Variants in CWC25 observed in about 807,000 individuals in gnomAD.
CWC25 encodes the protein CWC25 spliceosome associated protein.
CWC25 carries 31 observed loss-of-function variants against 54.6 expected under a neutral mutation model. That is an observed-to-expected ratio of 0.57 (90% CI 0.43 to 0.77). The LOEUF (loss-of-function observed/expected upper bound fraction) is 0.77. Among genes scored for constraint, CWC25 ranks in the 30% least tolerant of loss-of-function variants. CWC25 has a pLI of 0.00. For synonymous variants in CWC25, 151 were observed against 187.0 expected, an observed-to-expected ratio of 0.81 and a Z score of 1.57; for missense variants, 453 against 529.3, an observed-to-expected ratio of 0.86 and a Z score of 1.41.
At chr17:38,808,306 CA>C (rs1911339279) in intron 6 of CWC25, among the ~76,000 whole-genome samples, 1 of 137,562 alleles carries the variant, frequency 7.3e-6, no homozygotes. Flanking sequence ...CACTTGAATG[CA>C]GGAGGCAGAG....
intron 2 of CWC25, 141 bp from the exon 3 acceptor site, chr17:38,815,238 C>T (rs776920772): frequency 3.8e-5 from 28 of 731,190 alleles, no homozygotes; most frequent in South Asian, 3.8e-4. Flanking sequence ...GCAATAAACA[C>T]GGCACCCCAT....
intron 2 of CWC25, among the ~76,000 whole-genome samples, chr17:38,819,674 A>AT (rs1333556905): frequency 0.016 from 2,081 of 129,074 alleles, 46 homozygotes; most frequent in African/African-American, 0.056. Context: ...CCCAGCCTCT[A>AT]TTTTTTTTTT....
chr17:38,821,332 G>A (rs1304338724), intron 1 of CWC25, among the ~76,000 whole-genome samples: 4 of 152,110 alleles, frequency 2.6e-5, no homozygotes, highest in South Asian at 2.1e-4. Flanking sequence ...AGGCGGAGGC[G>A]GGAAGATCAC....
chr17:38,807,009 A>G (rs761916805), intron 6 of CWC25, 33 bp from the exon 7 acceptor site: 2 of 1,567,602 alleles, frequency 1.3e-6, no homozygotes, highest in Non-Finnish European at 1.7e-6. Context: ...AGTTATTCAC[A>G]TGGAAAATCC....
chr17:38,824,726 G>T (rs1429268523), intron 1 of CWC25, among the ~76,000 whole-genome samples: 1 of 152,086 alleles, frequency 6.6e-6, no homozygotes, highest in Non-Finnish European at 1.5e-5. Context: ...ATGGCTTAGG[G>T]TAGGGAGAAT....
At chr17:38,824,209 A>G (rs1024465408) in intron 1 of CWC25, among the ~76,000 whole-genome samples, 2 of 152,178 alleles carry the variant, frequency 1.3e-5, no homozygotes, top group Non-Finnish European at 2.9e-5. Context: ...TCTTGTGGGT[A>G]CATTTACCCT....
In CWC25 at chr17:38,820,903, G is replaced by T. The variant is rs781076023; in HGVS notation, c.189C>A (p.Val63=). 1.7e-5 allele frequency: 27 copies of T among 1,609,872 alleles called. No homozygotes were observed. The highest frequency in any genetic ancestry group is 4.2e-6 in the Non-Finnish European group (5 of 1,178,148). Residue 63 remains valine, a splice_region_variant and synonymous_variant, in exon 2 of 10, where the codon GTC becomes GTA. Transcript: ENST00000614790. The part of the protein sequence containing the change: ...MQRYAEDVGA[V]KKKEEKLDWM... ...CGCACCCCCAGCTCCTCACTTACTT[G>T]ACGGCCCCAACATCCTCCGCATAGC...
In CWC25 at chr17:38,802,812, T is replaced by C; in HGVS notation, c.1051A>G (p.Asn351Asp). 1.2e-6 allele frequency: 2 copies of C among 1,613,996 alleles called. No individual in the cohort carries two copies. The highest frequency in any genetic ancestry group is 1.7e-6 in the Non-Finnish European group (2 of 1,179,904). ...CTCTCCTCCTCCCTCCATTTGGCGT[T>C]TTCCATCATCTCTTGCCGTTTTCGC... ...LERKRQEMME[N>D]AKWREEERLN... is the part of the protein sequence containing the mutation. The change falls in exon 9 of 10, where the codon AAC becomes GAC. Residue 351 changes from asparagine to aspartate, a missense_variant. By Grantham distance (23) the Asn-to-Asp change is conservative. Coordinates refer to ENST00000614790, the MANE Select transcript of CWC25 (RefSeq NM_017748.5).
chr17:38,815,625 A>G, intron 2 of CWC25: 1 of 1,255,890 alleles, frequency 8.0e-7, no homozygotes, highest in Non-Finnish European at 1.0e-6. Context: ...ATTCACTCAC[A>G]TAAAGCAATT....
intron 4 of CWC25, among the ~76,000 whole-genome samples, chr17:38,810,988 T>A (rs1911463229): frequency 6.9e-6 from 1 of 144,722 alleles, no homozygotes; most frequent in Non-Finnish European, 1.5e-5. Flanking sequence ...CTCTCAGCAC[T>A]TTGAGAGGCT....
At chr17:38,806,634 TGTAAA>T (rs2143550225) in intron 7 of CWC25, 126 bp downstream of exon 7, 2 of 881,022 alleles carry the variant, frequency 2.3e-6, no homozygotes, top group South Asian at 3.7e-5. Flanking sequence ...AAAAAAATGA[TGTAAA>T]GGAAATACCA....
In CWC25 at chr17:38,818,381, C is replaced by A. The variant is rs1598076974; in HGVS notation, c.191+2520G>T. Among the ~76,000 whole-genome samples the A allele has an allele frequency of 2.6e-5, 4 of 151,612 alleles. No individual in the cohort carries two copies. In the South Asian group the frequency reaches 6.3e-4, roughly 24 times the overall value. ...GGCCGAGGCGGGCGGATCATGAGGTCAAAGATCGACACCATCCTGGCTAAC... is the reference window on the plus strand; with the variant it reads ...GGCCGAGGCGGGCGGATCATGAGGTAAAAGATCGACACCATCCTGGCTAAC... On this transcript the variant is annotated intron_variant, in intron 2 of 9. Transcript: ENST00000614790.
chr17:38,806,515 A>C, intron 7 of CWC25, 120 bp from the exon 8 acceptor site: 1 of 926,554 alleles, frequency 1.1e-6, no homozygotes, highest in Middle Eastern at 2.2e-4. Context: ...AGTGTGAGAA[A>C]AACAAAGGTA....
chr17:38,820,818 G>T, intron 2 of CWC25, 83 bp downstream of exon 2: 1 of 1,458,338 alleles, frequency 6.9e-7, no homozygotes, highest in Non-Finnish European at 9.3e-7. Context: ...TAAGCACTCA[G>T]CCATTATACA....
intron 1 of CWC25, 63 bp downstream of exon 1, chr17:38,825,103 C>T (rs900716803): frequency 2.1e-6 from 3 of 1,406,848 alleles, no homozygotes; most frequent in Non-Finnish European, 2.9e-6. Context: ...TCCTCTACCC[C>T]CACCCCCTGC....
intron 1 of CWC25, among the ~76,000 whole-genome samples, chr17:38,823,791 G>A (rs1369190501): frequency 3.3e-5 from 5 of 152,092 alleles, no homozygotes; most frequent in Non-Finnish European, 7.4e-5. Flanking sequence ...TGCTCCCCAG[G>A]GAGAAAATCT....
At chr17:38,824,481 G>A (rs1351966312) in intron 1 of CWC25, among the ~76,000 whole-genome samples, 1 of 151,942 alleles carries the variant, frequency 6.6e-6, no homozygotes, top group African/African-American at 2.4e-5. Context: ...GAGGTCGGCA[G>A]ATCGAGACCA....
At chr17:38,820,213 A>C (rs1911868420) in intron 2 of CWC25, among the ~76,000 whole-genome samples, 3 of 152,208 alleles carry the variant, frequency 2.0e-5, no homozygotes. Context: ...ACAGGCATGA[A>C]CCACCGCACC....
At chr17:38,814,828 TAACA>T (rs754260313) in intron 3 of CWC25, 29 bp downstream of exon 3, 1 of 1,528,932 alleles carries the variant, frequency 6.5e-7, no homozygotes, top group Non-Finnish European at 9.0e-7. Flanking sequence ...AAAGCATCTG[TAACA>T]AACCCCCTTC....
Sources: allele counts gnomAD v4.1 joint callset (sites outside exome capture counted in the v4.1 genomes callset), GRCh38; gene constraint gnomAD v4.1.1; transcripts MANE v1.5; gene names NCBI Gene and HGNC (gene_info 2026-07-23, HGNC 2026-07-21).